CD37: variants seen among roughly 807,000 people sequenced by gnomAD.
CD37 encodes leukocyte antigen CD37.
In CD37, 37 loss-of-function variants were observed where a neutral mutation model predicts 38.9. The observed-to-expected ratio is 0.95, with a 90% CI of 0.73 to 1.25. CD37 has a LOEUF of 1.25. CD37 is among the 50% of genes most tolerant of loss of function. The probability of loss-of-function intolerance (pLI) is 0.00; values close to 1 mark genes in which losing one functional copy is unlikely to be tolerated. For synonymous variants in CD37, 146 were observed against 150.1 expected (o/e 0.97, Z 0.20); for missense variants, 351 against 360.1 (o/e 0.97, Z 0.20).
rs576713204 is a variant in CD37, at chr19:49,340,370, C to A, written c.*42C>A. Reference sequence around the variant, plus strand: ...AGTCCCGCCCCGCCCCCGTCACGTGCGCTGGGCACTTCCCTGCTGCCTGTA... The same window carrying A: ...AGTCCCGCCCCGCCCCCGTCACGTGAGCTGGGCACTTCCCTGCTGCCTGTA... On this transcript the variant is annotated 3_prime_UTR_variant, in exon 8 of 8. Transcript: ENST00000323906. The A allele has an allele frequency of 7.7e-7, 1 of 1,294,320 alleles. No homozygotes were observed. Among genetic ancestry groups the A allele is most frequent in the Non-Finnish European group, 1.1e-6 (1 of 890,538 alleles). The allele number at this position is 1,294,320 out of a possible 1,614,324, so 80.2% of individuals were successfully genotyped here.
chr19:49,338,999 T>C lies in CD37; in HGVS notation c.684+63T>C. 2 of 1,280,134 alleles carry C rather than the reference T, an allele frequency of 1.6e-6. No individual in the cohort carries two copies. Among genetic ancestry groups the C allele is most frequent in the Non-Finnish European group, 1.1e-6 (1 of 889,382 alleles). The allele number at this position is 1,280,134 out of a possible 1,614,324, so 79.3% of individuals were successfully genotyped here. A position where few individuals can be genotyped will look rare whatever the true frequency, so the allele number is the denominator to read the frequency against. On this transcript the variant is annotated intron_variant, in intron 6 of 7. Transcript: ENST00000323906. This position sits in a 1 kb window ranked among gnomAD's most constrained non-coding sequence, Gnocchi z 5.0. The stretch of plus-strand genomic sequence containing the variant: ...GCGGGGCCTGCGGGAGGGGGAGGGC[T>C]GTCAGTGAGTAGCGGCCTGAGAAAG...
intron 4 of CD37, chr19:49,337,719 G>A (rs1353980091): frequency 8.5e-6 from 13 of 1,534,418 alleles, no homozygotes; most frequent in Admixed American, 2.0e-5. Context: ...AGAAATAGAC[G>A]CCCTGAAAGA....
At chr19:49,337,094 C>T in intron 3 of CD37, 53 bp from the exon 4 acceptor site, 5 of 1,614,022 alleles carry the variant, frequency 3.1e-6, no homozygotes, top group East Asian at 2.2e-5. Context: ...CAAAAATGGC[C>T]TGGGCCGGGG....
At position 49,335,995 on chromosome 19, in the gene CD37, C is replaced by CTCAAGCACTTCCTATCTG. The variant is rs1053946588; in HGVS notation, c.142+212_142+229dup. The CTCAAGCACTTCCTATCTG allele has an allele frequency of 3.4e-6, 2 of 595,442 alleles. No homozygotes were observed. The allele number at this position is 595,442 out of a possible 1,614,324, so 36.9% of individuals were successfully genotyped here. A position where few individuals can be genotyped will look rare whatever the true frequency, so the allele number is the denominator to read the frequency against. ...ACAACAATGATCATGAGAGCCATTT[C>CTCAAGCACTTCCTATCTG]TCAAGCACTTCCTATCTGTCGGGAC... On this transcript the variant is annotated intron_variant, in intron 2 of 7. Coordinates refer to ENST00000323906, the MANE Select transcript of CD37 (RefSeq NM_001774.3). The surrounding 1 kb of genome is among the most constrained non-coding windows in gnomAD (Gnocchi z 4.6).
At position 49,339,428 on chromosome 19, in the gene CD37, C is replaced by T; in HGVS notation, c.768+15C>T. ...GCCTACTCGAGGTGATCTGGCCCCG[C>T]CCCCACCCGCGATCGGCCCTAAATC... is the stretch of plus-strand genomic sequence containing the variant. On this transcript the variant is annotated intron_variant, in intron 7 of 7. Coordinates refer to ENST00000323906, the MANE Select transcript of CD37 (RefSeq NM_001774.3). This position sits in a 1 kb window ranked among gnomAD's most constrained non-coding sequence, Gnocchi z 4.5. 3 of 1,609,242 alleles carry T rather than the reference C, an allele frequency of 1.9e-6. No homozygotes were observed. Among genetic ancestry groups the T allele is most frequent in the South Asian group, 1.1e-5 (1 of 90,996 alleles).
At position 49,335,961 on chromosome 19, in the gene CD37, T is replaced by C. The variant is rs1210339434; in HGVS notation, c.142+175T>C. The C allele has an allele frequency of 1.6e-6, 1 of 640,046 alleles. No individual in the cohort carries two copies. Among genetic ancestry groups the C allele is most frequent in the East Asian group, 2.6e-5 (1 of 38,320 alleles). The allele number at this position is 640,046 out of a possible 1,614,324, so 39.6% of individuals were successfully genotyped here. On this transcript the variant is annotated intron_variant, in intron 2 of 7. Coordinates refer to ENST00000323906, the MANE Select transcript of CD37 (RefSeq NM_001774.3). This position sits in a 1 kb window ranked among gnomAD's most constrained non-coding sequence, Gnocchi z 4.6. Reference sequence around the variant, plus strand: ...AGTCTTCTTCCGGCAAATGGGGTTGTGCATACAAACAACAATGATCATGAG... The same window carrying C: ...AGTCTTCTTCCGGCAAATGGGGTTGCGCATACAAACAACAATGATCATGAG...
At position 49,338,607 on chromosome 19, in the gene CD37, C is replaced by T. The variant is rs1971048544; in HGVS notation, c.448-93C>T. The T allele has an allele frequency of 1.1e-6, 1 of 915,498 alleles. No homozygotes were observed. Among genetic ancestry groups the T allele is most frequent in the Non-Finnish European group, 1.8e-6 (1 of 569,146 alleles). 56.7% of individuals were successfully genotyped at this position (915,498 alleles called of 1,614,324 possible). ...ACACCCACCACTTAGTCCCCTGCTCCCCGACCTGACCTCATACCCATCACC... is the reference window on the plus strand; with the variant it reads ...ACACCCACCACTTAGTCCCCTGCTCTCCGACCTGACCTCATACCCATCACC... On this transcript the variant is annotated intron_variant, in intron 5 of 7. Transcript: ENST00000323906. This position sits in a 1 kb window ranked among gnomAD's most constrained non-coding sequence, Gnocchi z 5.0.
Position 49,335,843 on chromosome 19 carries a change from G to A in CD37, c.142+57G>A. 1.4e-6 allele frequency: 2 copies of A among 1,399,406 alleles called. No homozygotes were observed. Among genetic ancestry groups the A allele is most frequent in the Non-Finnish European group, 2.0e-6 (2 of 989,144 alleles). 86.7% of individuals were successfully genotyped at this position (1,399,406 alleles called of 1,614,324 possible). ...CCCCCAACCCAAGCAACTTCCTGGG[G>A]TCTCCCTTGTCTCAGGGAGACCTAC... On this transcript the variant is annotated intron_variant, in intron 2 of 7. Transcript: ENST00000323906. The surrounding 1 kb of genome is among the most constrained non-coding windows in gnomAD (Gnocchi z 4.6).
At chr19:49,337,534 A>C in intron 4 of CD37, 2 of 873,982 alleles carry the variant, frequency 2.3e-6, no homozygotes, top group Non-Finnish European at 3.3e-6. Context: ...AGGTGGGAGG[A>C]TCACTTGAGC....
chr19:49,340,377 C>T lies in CD37; in HGVS notation c.*49C>T. ...CCCCGCCCCCGTCACGTGCGCTGGG[C>T]ACTTCCCTGCTGCCTGTAAATATTT... On this transcript the variant is annotated 3_prime_UTR_variant, in exon 8 of 8. Transcript: ENST00000323906. 8.3e-7 allele frequency: 1 copy of T among 1,206,846 alleles called. No homozygotes were observed. The highest frequency in any genetic ancestry group is 1.2e-6 in the Non-Finnish European group (1 of 811,826). The allele number at this position is 1,206,846 out of a possible 1,614,324, so 74.8% of individuals were successfully genotyped here.
In CD37 at chr19:49,338,983, G is replaced by A. The variant is rs1428490052; in HGVS notation, c.684+47G>A. On this transcript the variant is annotated intron_variant, in intron 6 of 7. Coordinates refer to ENST00000323906, the MANE Select transcript of CD37 (RefSeq NM_001774.3). This position sits in a 1 kb window ranked among gnomAD's most constrained non-coding sequence, Gnocchi z 5.0. ...AAACCTGTCGAATGGGGCGGGGCCT[G>A]CGGGAGGGGGAGGGCTGTCAGTGAG... 2 of 1,446,832 alleles carry A rather than the reference G, an allele frequency of 1.4e-6. No homozygotes were observed. Among genetic ancestry groups the A allele is most frequent in the Admixed American group, 1.7e-5 (1 of 59,052 alleles). 89.6% of individuals were successfully genotyped at this position (1,446,832 alleles called of 1,614,324 possible).
rs199925267 is a variant in CD37, at chr19:49,338,037, C to G, written c.447+8C>G. 33 of 1,613,400 alleles carry G rather than the reference C, an allele frequency of 2.0e-5. No individual in the cohort carries two copies. The African/African-American group carries it at 3.9e-4, about 19-fold the overall frequency. On this transcript the variant is annotated splice_region_variant and intron_variant, in intron 5 of 7. Transcript: ENST00000323906. The surrounding 1 kb of genome is among the most constrained non-coding windows in gnomAD (Gnocchi z 5.0). ...GACTATGTGCAGTTCCAGGTAAGCC[C>G]CCCTCCTCCAGTTCCCTCCCGGACT...
In CD37 at chr19:49,337,034, G is replaced by C. The variant is rs1466174610; in HGVS notation, c.267+1G>C. The C allele has an allele frequency of 6.2e-7, 1 of 1,613,328 alleles. No individual in the cohort carries two copies. Among genetic ancestry groups the C allele is most frequent in the Non-Finnish European group, 8.5e-7 (1 of 1,179,500 alleles). On this transcript the variant is annotated splice_donor_variant, in intron 3 of 7. Transcript: ENST00000323906. LOFTEE classifies it high-confidence loss of function. The stretch of plus-strand genomic sequence containing the variant: ...GGAGCTCCGCTGCCTCCTGGGCCTG[G>C]TGAGTGCACCATCCCTCTCCGTCCC...
Position 49,338,020 on chromosome 19 carries a change from G to T in CD37, c.438G>T (p.Val146=). 6.2e-7 allele frequency: 1 copy of T among 1,613,918 alleles called. No individual in the cohort carries two copies. Among genetic ancestry groups the T allele is most frequent in the Non-Finnish European group, 8.5e-7 (1 of 1,179,956 alleles). The change falls in exon 5 of 8, where the codon GTG becomes GTT. Residue 146 remains valine (V), a synonymous_variant. Coordinates refer to ENST00000323906, the MANE Select transcript of CD37 (RefSeq NM_001774.3). This position sits in a 1 kb window ranked among gnomAD's most constrained non-coding sequence, Gnocchi z 5.0. ...CGGCCGAGGAGAGCTGGGACTATGT[G>T]CAGTTCCAGGTAAGCCCCCCTCCTC... ...ETAAEESWDY[V]QFQLRCCGWH...
intron 2 of CD37, 122 bp from the exon 3 acceptor site, chr19:49,336,787 C>T: frequency 1.0e-6 from 1 of 1,002,470 alleles, no homozygotes; most frequent in South Asian, 1.6e-5. Context: ...GGGGCAGGGA[C>T]AGAGTCCCAG....
Position 49,339,279 on chromosome 19 carries a change from G to C in CD37, c.685-51G>C. The C allele has an allele frequency of 1.3e-6, 2 of 1,529,258 alleles. No homozygotes were observed. Among genetic ancestry groups the C allele is most frequent in the Non-Finnish European group, 1.8e-6 (2 of 1,105,882 alleles). 94.7% of individuals were successfully genotyped at this position (1,529,258 alleles called of 1,614,324 possible). On this transcript the variant is annotated intron_variant, in intron 6 of 7. Coordinates refer to ENST00000323906, the MANE Select transcript of CD37 (RefSeq NM_001774.3). This position sits in a 1 kb window ranked among gnomAD's most constrained non-coding sequence, Gnocchi z 4.5. The stretch of plus-strand genomic sequence containing the variant: ...TGGCCTGAAAAGAACGCTGGGCCTG[G>C]GCTTGAGAGTCCCAGAAAGAATCCC...
intron 4 of CD37, 67 bp from the exon 5 acceptor site, chr19:49,337,858 G>A: frequency 6.3e-7 from 1 of 1,587,420 alleles, no homozygotes. Context: ...CCTGAGGCTG[G>A]CACAGCCTGA....
Position 49,335,778 on chromosome 19 carries a change from C to A in CD37, c.134C>A (p.Ser45Tyr). The change falls in exon 2 of 8, where the codon TCC (serine) becomes TAC (tyrosine). Residue 45 changes from serine to tyrosine, a missense_variant. Physicochemically the swap from Ser to Tyr is moderately radical, Grantham distance 144. Coordinates refer to ENST00000323906, the MANE Select transcript of CD37 (RefSeq NM_001774.3). The surrounding 1 kb of genome is among the most constrained non-coding windows in gnomAD (Gnocchi z 4.6). ...WILIDKTSFV[S>Y]FVGLAFVPLQ... Reference sequence around the variant, plus strand: ...CTCATTGACAAGACCAGCTTCGTGTCCTTTGTGGGTGAGGGGGGCTGGGGC... The same window carrying A: ...CTCATTGACAAGACCAGCTTCGTGTACTTTGTGGGTGAGGGGGGCTGGGGC... 6.2e-7 allele frequency: 1 copy of A among 1,613,232 alleles called. No individual in the cohort carries two copies. Among genetic ancestry groups the A allele is most frequent in the Non-Finnish European group, 8.5e-7 (1 of 1,179,496 alleles).
Position 49,339,871 on chromosome 19 carries a change from G to A in CD37, c.769-380G>A. 7.4e-7 allele frequency: 1 copy of A among 1,342,696 alleles called. No individual in the cohort carries two copies. The highest frequency in any genetic ancestry group is 9.6e-7 in the Non-Finnish European group (1 of 1,041,708). 83.2% of individuals were successfully genotyped at this position (1,342,696 alleles called of 1,614,324 possible). ...GGCACCGCAGGGCAAGCTGCCCATG[G>A]CCCTGGGGCTCTGGCCGCTGTGGGT... On this transcript the variant is annotated intron_variant, in intron 7 of 7. Coordinates refer to ENST00000323906, the MANE Select transcript of CD37 (RefSeq NM_001774.3). This position sits in a 1 kb window ranked among gnomAD's most constrained non-coding sequence, Gnocchi z 4.5.
Sources: allele counts gnomAD v4.1 joint callset, GRCh38; gene constraint gnomAD v4.1.1; non-coding constraint Gnocchi (gnomAD v3.1); transcripts MANE v1.5; gene names NCBI Gene and HGNC (gene_info 2026-07-23, HGNC 2026-07-21).